Variants in LHPP observed in about 807,000 individuals in gnomAD.
LHPP encodes the protein phospholysine phosphohistidine inorganic pyrophosphate phosphatase.
A neutral mutation model predicts 30.3 loss-of-function variants in LHPP; 24 were observed. The ratio of observed to expected loss-of-function variants is 0.79; its 90% CI spans 0.57 to 1.11. LHPP has a LOEUF of 1.11. Ranked by LOEUF, LHPP falls within the 50% of genes most tolerant of loss-of-function variation. The pLI is 0.00. For synonymous variants in LHPP, 150 were observed against 157.1 expected (o/e 0.95, Z 0.34); for missense variants, 356 against 367.2 (o/e 0.97, Z 0.25).
At chr10:124,598,092 G>A (rs1297416038) in intron 6 of LHPP, among the ~76,000 whole-genome samples, 3 of 152,212 alleles carry the variant, frequency 2.0e-5, no homozygotes, top group Non-Finnish European at 2.9e-5. Context: ...CCTCCGTTGG[G>A]TCAGTGGTAA....
At chr10:124,487,832 A>G (rs201283101) in intron 2 of LHPP, among the ~76,000 whole-genome samples, 39 of 152,348 alleles carry the variant, frequency 2.6e-4, no homozygotes, top group African/African-American at 8.4e-4. Context: ...CACAGATCCA[A>G]TGATTTGATG....
intron 6 of LHPP, among the ~76,000 whole-genome samples, chr10:124,606,339 G>A (rs986937748): frequency 1.3e-5 from 2 of 152,200 alleles, no homozygotes; most frequent in Admixed American, 6.5e-5. Context: ...CCCTGTTTCC[G>A]GAAGCGTCCC....
chr10:124,569,422 C>G (rs894949109), intron 6 of LHPP, among the ~76,000 whole-genome samples: 1 of 152,206 alleles, frequency 6.6e-6, no homozygotes, highest in Non-Finnish European at 1.5e-5. Flanking sequence ...GCTGCAGGGC[C>G]TGCTGTCTCT....
chr10:124,588,058 C>T (rs1020547368), intron 6 of LHPP, among the ~76,000 whole-genome samples: 2 of 152,238 alleles, frequency 1.3e-5, no homozygotes, highest in African/African-American at 4.8e-5. Flanking sequence ...CTGCCCCTCT[C>T]CAGGCAGGCC....
Position 124,470,351 on chromosome 10 carries a change from C to T in LHPP, c.125+8364C>T, listed in dbSNP as rs72835583. ...GGAAGGAAGAAGACTTGGCCCAGGGCAGCCTCATAAAGCAATTCCCACCCA... is the reference window on the plus strand; with the variant it reads ...GGAAGGAAGAAGACTTGGCCCAGGGTAGCCTCATAAAGCAATTCCCACCCA... On this transcript the variant is annotated intron_variant, in intron 1 of 6. Transcript: ENST00000368842. 5.7e-3 allele frequency among the ~76,000 whole-genome samples: 861 copies of T among 151,990 alleles called. 5 individuals are homozygous for T. Among genetic ancestry groups the T allele is most frequent in the Middle Eastern group, 0.01 (3 of 294 alleles).
intron 6 of LHPP, among the ~76,000 whole-genome samples, chr10:124,597,318 GC>G (rs1240597857): frequency 2.6e-5 from 4 of 152,216 alleles, no homozygotes; most frequent in Non-Finnish European, 5.9e-5. Flanking sequence ...CCTCTGGGGA[GC>G]CCTGCCTAAC....
At chr10:124,489,521 C>A (rs967744535) in intron 3 of LHPP, among the ~76,000 whole-genome samples, 1 of 152,180 alleles carries the variant, frequency 6.6e-6, no homozygotes, top group African/African-American at 2.4e-5. Context: ...GCGGCGTGAT[C>A]TCGGCTCGCT....
At chr10:124,506,820 G>T (rs1423708769) in intron 5 of LHPP, among the ~76,000 whole-genome samples, 1 of 38,666 alleles carries the variant, frequency 2.6e-5, no homozygotes, top group African/African-American at 7.9e-5. Context: ...ATTTCAGGTG[G>T]GGGGGTAGGG....
At chr10:124,471,258 A>G (rs907986937) in intron 1 of LHPP, among the ~76,000 whole-genome samples, 1 of 150,982 alleles carries the variant, frequency 6.6e-6, no homozygotes, top group African/African-American at 2.4e-5. Context: ...TGCCCAAGGC[A>G]TGTGTTTGGT....
chr10:124,537,798 C>T (rs564940814), intron 6 of LHPP, among the ~76,000 whole-genome samples: 7 of 152,336 alleles, frequency 4.6e-5, no homozygotes, highest in Admixed American at 1.3e-4. Context: ...CTCACGGGTG[C>T]GAGTAATTTA....
intron 6 of LHPP, among the ~76,000 whole-genome samples, chr10:124,598,844 T>A (rs1948986229): frequency 6.6e-6 from 1 of 150,488 alleles, no homozygotes; most frequent in African/African-American, 2.5e-5. Context: ...TGTCCATCCA[T>A]CTGTCCACCT....
At chr10:124,469,749 C>T (rs1264323547) in intron 1 of LHPP, among the ~76,000 whole-genome samples, 2 of 152,140 alleles carry the variant, frequency 1.3e-5, no homozygotes, top group Non-Finnish European at 2.9e-5. Context: ...GGATGTGCAG[C>T]AGTGAACAGG....
At chr10:124,515,144 G>A (rs574859009) in intron 5 of LHPP, among the ~76,000 whole-genome samples, 15 of 152,248 alleles carry the variant, frequency 9.9e-5, no homozygotes, top group African/African-American at 1.7e-4. Context: ...ACATCAGGCC[G>A]CTTGAAGTTG....
intron 6 of LHPP, among the ~76,000 whole-genome samples, chr10:124,608,518 C>A (rs946561826): frequency 6.6e-6 from 1 of 152,242 alleles, no homozygotes; most frequent in Non-Finnish European, 1.5e-5. Flanking sequence ...GGCAGGGACA[C>A]CAAGGCACAG....
intron 6 of LHPP, among the ~76,000 whole-genome samples, chr10:124,553,253 A>G (rs1025243240): frequency 2.6e-5 from 4 of 152,164 alleles, no homozygotes; most frequent in Non-Finnish European, 4.4e-5. Flanking sequence ...ACAAAGGGGA[A>G]CTTGGAGAAA....
intron 5 of LHPP, among the ~76,000 whole-genome samples, chr10:124,516,041 A>G (rs191700790): frequency 2.8e-4 from 42 of 152,314 alleles, no homozygotes; most frequent in Admixed American, 9.8e-4. Flanking sequence ...TCCCCAGTTC[A>G]GGGATCCTAC....
Position 124,576,489 on chromosome 10 carries a change from T to TC in LHPP, c.717-36772dup, listed in dbSNP as rs1554894677. ...CAGAACCCCTATATCTTGCTCCCAC[T>TC]CCCTACCATATGCTGTTCCCAGACC... On this transcript the variant is annotated intron_variant, in intron 6 of 6. Transcript: ENST00000368842. This position sits in a 1 kb window ranked among gnomAD's most constrained non-coding sequence, Gnocchi z 4.2. 7.1e-6 allele frequency among the ~76,000 whole-genome samples: 1 copy of TC among 140,288 alleles called. No individual in the cohort carries two copies. Among genetic ancestry groups the TC allele is most frequent in the Non-Finnish European group, 1.5e-5 (1 of 64,698 alleles). 92.0% of individuals were successfully genotyped at this position (140,288 alleles called of 152,430 possible).
At chr10:124,474,627 GCAGGTCCCATCTCTAAACCA>G (rs1235763059) in intron 1 of LHPP, among the ~76,000 whole-genome samples, 2 of 151,998 alleles carry the variant, frequency 1.3e-5, no homozygotes, top group African/African-American at 4.8e-5. Flanking sequence ...TCTCCAAACA[GCAGGTCCCATCTCTAAACCA>G]CAGGTCCCAT....
At chr10:124,513,311 C>T (rs952553128) in intron 5 of LHPP, among the ~76,000 whole-genome samples, 16 of 152,032 alleles carry the variant, frequency 1.1e-4, no homozygotes, top group African/African-American at 3.1e-4. Context: ...CTGCCTCCCT[C>T]GGCCTCCCAC....
Sources: allele counts gnomAD v4.1 joint callset (sites outside exome capture counted in the v4.1 genomes callset), GRCh38; gene constraint gnomAD v4.1.1; non-coding constraint Gnocchi (gnomAD v3.1); transcripts MANE v1.5; gene names NCBI Gene and HGNC (gene_info 2026-07-23, HGNC 2026-07-21).